NGEF: variants seen among roughly 807,000 people sequenced by gnomAD.
The protein encoded by NGEF is ephexin-1.
A neutral mutation model predicts 80.9 loss-of-function variants in NGEF; 31 were observed. The observed-to-expected ratio is 0.38, with a 90% CI of 0.29 to 0.52. NGEF has a LOEUF of 0.52. Ranked by LOEUF, NGEF falls within the 20% of genes least tolerant of loss-of-function variation. NGEF has a pLI of 0.84. For synonymous variants in NGEF, 371 were observed against 370.2 expected (o/e 1.00, Z -0.03); for missense variants, 709 against 926.2 (o/e 0.77, Z 3.04).
At chr2:232,918,457 A>C (rs1692858758) in intron 5 of NGEF, among the ~76,000 whole-genome samples, 1 of 151,950 alleles carries the variant, frequency 6.6e-6, no homozygotes, top group Non-Finnish European at 1.5e-5. Flanking sequence ...GCATTATTGT[A>C]ACGGATTTGT....
At chr2:232,998,397 C>T (rs4076139) in intron 1 of NGEF, among the ~76,000 whole-genome samples, 15,143 of 152,102 alleles carry the variant, frequency 0.1, 797 homozygotes, top group Middle Eastern at 0.17. Flanking sequence ...AGACTGCCTG[C>T]GAGGTGGAGC....
intron 1 of NGEF, among the ~76,000 whole-genome samples, chr2:232,976,902 C>T (rs1402662272): frequency 6.6e-6 from 1 of 152,118 alleles, no homozygotes; most frequent in Non-Finnish European, 1.5e-5. Context: ...CGGTGAAGCC[C>T]CTTCCAACTA....
chr2:233,010,393 A>G (rs1251946449), intron 1 of NGEF, among the ~76,000 whole-genome samples: 2 of 152,194 alleles, frequency 1.3e-5, no homozygotes, highest in African/African-American at 4.8e-5. Context: ...TTTTCAAGGT[A>G]GTAATGCTTG....
chr2:233,000,784 C>G (rs1694959641), intron 1 of NGEF, among the ~76,000 whole-genome samples: 1 of 151,184 alleles, frequency 6.6e-6, no homozygotes, highest in Non-Finnish European at 1.5e-5. Flanking sequence ...ACGAAAAAAC[C>G]TAAATGCCTC....
chr2:233,002,167 T>C (rs1029115959), intron 1 of NGEF, among the ~76,000 whole-genome samples: 3 of 152,126 alleles, frequency 2.0e-5, no homozygotes, highest in Non-Finnish European at 2.9e-5. Flanking sequence ...GTTGAACCGG[T>C]AACTGTGAGG....
intron 1 of NGEF, among the ~76,000 whole-genome samples, chr2:232,981,804 C>T (rs1694434811): frequency 1.3e-5 from 2 of 152,210 alleles, no homozygotes; most frequent in African/African-American, 4.8e-5. Context: ...ATTACTATTT[C>T]TCCATTGCAA....
intron 3 of NGEF, among the ~76,000 whole-genome samples, chr2:232,963,082 A>T (rs945605031): frequency 1.1e-4 from 17 of 151,936 alleles, no homozygotes; most frequent in African/African-American, 3.4e-4. Context: ...CAAAAGATTT[A>T]AAATAGTCAA....
intron 4 of NGEF, among the ~76,000 whole-genome samples, chr2:232,922,097 G>C (rs180802963): frequency 6.6e-6 from 1 of 152,198 alleles, no homozygotes; most frequent in Non-Finnish European, 1.5e-5. Context: ...GAGGCCCCTC[G>C]ATATGTCTAA....
intron 3 of NGEF, among the ~76,000 whole-genome samples, chr2:232,945,073 A>T (rs1002442761): frequency 1.3e-5 from 2 of 152,098 alleles, no homozygotes; most frequent in African/African-American, 4.8e-5. Flanking sequence ...CTTATAAACC[A>T]TGCATATGTT....
At chr2:232,942,060 C>T (rs1307917763) in intron 3 of NGEF, among the ~76,000 whole-genome samples, 5 of 152,212 alleles carry the variant, frequency 3.3e-5, no homozygotes, top group African/African-American at 1.2e-4. Flanking sequence ...GAAACCACCA[C>T]CTCCACTCAA....
intron 1 of NGEF, among the ~76,000 whole-genome samples, chr2:232,977,491 A>G (rs937196555): frequency 6.6e-6 from 1 of 152,154 alleles, no homozygotes; most frequent in Non-Finnish European, 1.5e-5. Context: ...GAGTTCAGTG[A>G]GGCCTGCCTG....
intron 8 of NGEF, 95 bp from the exon 9 acceptor site, chr2:232,888,202 C>A: frequency 1.2e-6 from 1 of 844,740 alleles, no homozygotes; most frequent in Non-Finnish European, 1.9e-6. Context: ...CTGCACCAGT[C>A]CAGCCCCATG....
Position 232,949,333 on chromosome 2 carries a change from T to C in NGEF, c.383+20881A>G, listed in dbSNP as rs533996102. ...ACTGCAAATAGCTCAGTGATAGTAA[T>C]AAACATCTTTGTCTGATTTCTGAGT... is the stretch of plus-strand genomic sequence containing the variant. On this transcript the variant is annotated intron_variant, in intron 3 of 14. Coordinates refer to ENST00000264051, the MANE Select transcript of NGEF (RefSeq NM_019850.3). Among the ~76,000 whole-genome samples, 7 of 152,352 alleles carry C rather than the reference T, an allele frequency of 4.6e-5. No individual in the cohort carries two copies. In the South Asian group the frequency reaches 1.4e-3, roughly 32 times the overall value.
chr2:232,975,034 C>A, intron 1 of NGEF, 70 bp from the exon 2 acceptor site: 1 of 747,482 alleles, frequency 1.3e-6, no homozygotes, highest in Admixed American at 3.1e-5. Context: ...CTGTGGAACT[C>A]CACTCCCATT....
chr2:232,984,110 G>C (rs1329626860), intron 1 of NGEF, among the ~76,000 whole-genome samples: 1 of 152,146 alleles, frequency 6.6e-6, no homozygotes, highest in Non-Finnish European at 1.5e-5. Context: ...TTTCAGACAA[G>C]GTCTCACTCT....
At chr2:232,882,287 T>G in intron 12 of NGEF, 22 bp from the exon 13 acceptor site, 1 of 1,605,490 alleles carries the variant, frequency 6.2e-7, no homozygotes, top group Non-Finnish European at 8.5e-7. Context: ...AAGAGGACAG[T>G]GCCCCAACTG....
At chr2:232,934,235 G>A (rs998452008) in intron 3 of NGEF, among the ~76,000 whole-genome samples, 1 of 89,298 alleles carries the variant, frequency 1.1e-5, no homozygotes, top group Non-Finnish European at 2.1e-5. Context: ...GAGCGAGACT[G>A]CATCTCAAAA....
At chr2:232,930,121 C>T (rs1443006086) in intron 3 of NGEF, among the ~76,000 whole-genome samples, 4 of 151,986 alleles carry the variant, frequency 2.6e-5, no homozygotes, top group African/African-American at 4.8e-5. Flanking sequence ...CGCGTGAGAG[C>T]GGAGTAATAC....
chr2:232,910,466 A>G (rs1191241292), intron 5 of NGEF, among the ~76,000 whole-genome samples: 20 of 119,284 alleles, frequency 1.7e-4, no homozygotes, highest in Admixed American at 4.0e-4. Context: ...GGGGGGGGTA[A>G]TGGGGGTGGG....
Sources: allele counts gnomAD v4.1 joint callset (sites outside exome capture counted in the v4.1 genomes callset), GRCh38; gene constraint gnomAD v4.1.1; transcripts MANE v1.5; gene names NCBI Gene and HGNC (gene_info 2026-07-23, HGNC 2026-07-21).